Variants in BRAT1 observed in about 807,000 individuals in gnomAD.
BRAT1 encodes the protein integrator complex assembly factor BRAT1.
A neutral mutation model predicts 70.6 loss-of-function variants in BRAT1; 74 were observed. That is an observed-to-expected ratio of 1.05 (90% CI 0.87 to 1.27). The LOEUF (loss-of-function observed/expected upper bound fraction) is 1.27. Ranked by LOEUF, BRAT1 falls within the 50% of genes most tolerant of loss-of-function variation. BRAT1 has a pLI of 0.00. For missense variants in BRAT1, 1,203 were observed against 1,098.2 expected, an observed-to-expected ratio of 1.10 and a Z score of -1.35; for synonymous variants, 615 against 517.1, an observed-to-expected ratio of 1.19 and a Z score of -2.57.
At chr7:2,553,625 G>A (rs985837120) in intron 2 of BRAT1, among the ~76,000 whole-genome samples, 1 of 151,158 alleles carries the variant, frequency 6.6e-6, no homozygotes, top group African/African-American at 2.4e-5. Flanking sequence ...TTTTGTTCAT[G>A]TTTTAAAGAA....
chr7:2,548,827 T>C (rs1176839452), intron 2 of BRAT1, among the ~76,000 whole-genome samples: 1 of 152,070 alleles, frequency 6.6e-6, no homozygotes, highest in African/African-American at 2.4e-5. Context: ...TAGCCAGGCA[T>C]GGTGGCGGGC....
intron 13 of BRAT1, 115 bp downstream of exon 13, chr7:2,539,064 C>A: frequency 6.8e-7 from 1 of 1,475,492 alleles, no homozygotes; most frequent in Non-Finnish European, 9.0e-7. Context: ...GCAGGCGCTG[C>A]CCACAGCAGC....
Position 2,543,223 on chromosome 7 carries a change from T to A in BRAT1, c.904A>T (p.Ile302Phe). 1 of 1,607,460 alleles carries A rather than the reference T, an allele frequency of 6.2e-7. No individual in the cohort carries two copies. Residue 302 changes from isoleucine (I) to phenylalanine (F), a missense_variant, in exon 6 of 14, where the codon ATC (isoleucine) becomes TTC (phenylalanine). Transcript: ENST00000340611. This position sits in a 1 kb window ranked among gnomAD's most constrained non-coding sequence, Gnocchi z 5.5. ...CCATACCAGTGCTCGAGCTTCAGGATCCCCAAAGCCAGGGGTCCCATGTGG... is the reference window on the plus strand; with the variant it reads ...CCATACCAGTGCTCGAGCTTCAGGAACCCCAAAGCCAGGGGTCCCATGTGG... ...PTHMGPLALG[I>F]LKLEHCPQAL...
chr7:2,539,447 C>T, intron 12 of BRAT1, 96 bp from the exon 13 acceptor site: 1 of 1,506,434 alleles, frequency 6.6e-7, no homozygotes, highest in Non-Finnish European at 8.9e-7. Context: ...CCGACATGGC[C>T]CAAGTTTCTA....
At chr7:2,553,786 G>A (rs911708575) in intron 2 of BRAT1, among the ~76,000 whole-genome samples, 3 of 151,476 alleles carry the variant, frequency 2.0e-5, no homozygotes, top group African/African-American at 4.9e-5. Flanking sequence ...TGGGACTACA[G>A]GTGCGCCACC....
rs1384976053 is a variant in BRAT1 at position 2,543,826 on chromosome 7, A to AC, written c.566dup (p.Asp190Ter). On this transcript the variant is annotated frameshift_variant, in exon 5 of 14. Transcript: ENST00000340611. LOFTEE classifies it high-confidence loss of function. The surrounding 1 kb of genome is among the most constrained non-coding windows in gnomAD (Gnocchi z 5.5). ...TCTTCTGGGCACACGCGGGCCAGTC[A>AC]CCCCCCGGCAGGCAGGGCTGCCCCT... The AC allele has an allele frequency of 5.6e-6, 9 of 1,612,204 alleles. No homozygotes were observed. In the African/African-American group the frequency reaches 9.4e-5, roughly 17 times the overall value.
intron 2 of BRAT1, among the ~76,000 whole-genome samples, chr7:2,550,668 A>T (rs1779941898): frequency 6.6e-6 from 1 of 151,964 alleles, no homozygotes; most frequent in African/African-American, 2.4e-5. Context: ...CGAGTGTGGA[A>T]ACTACACTCT....
chr7:2,554,631 C>A (rs1249106830), intron 1 of BRAT1, among the ~76,000 whole-genome samples, 184 bp from the exon 2 acceptor site: 2 of 152,204 alleles, frequency 1.3e-5, no homozygotes, highest in Non-Finnish European at 2.9e-5. Flanking sequence ...AAGCTTTGGT[C>A]TAGGTGGGGC....
chr7:2,539,778 T>A lies in BRAT1; in HGVS notation c.1498+8A>T, dbSNP rs1420975558. On this transcript the variant is annotated splice_region_variant and intron_variant, in intron 11 of 13. Coordinates refer to ENST00000340611, the MANE Select transcript of BRAT1 (RefSeq NM_152743.4). Reference sequence around the variant, plus strand: ...AGCTCCGTTCACCCCTGCAAGGGGCTGCGTTACCTCTGAGGAACTGCGGGA... The same window carrying A: ...AGCTCCGTTCACCCCTGCAAGGGGCAGCGTTACCTCTGAGGAACTGCGGGA... 1.9e-6 allele frequency: 3 copies of A among 1,608,510 alleles called. No individual in the cohort carries two copies. The highest frequency in any genetic ancestry group is 1.1e-5 in the South Asian group (1 of 89,862).
intron 2 of BRAT1, among the ~76,000 whole-genome samples, chr7:2,548,425 G>A (rs1420623716): frequency 6.6e-6 from 1 of 151,864 alleles, no homozygotes; most frequent in African/African-American, 2.4e-5. Context: ...CAGGCTGGGT[G>A]AGGTGCTCAT....
At chr7:2,553,445 A>G (rs1010322330) in intron 2 of BRAT1, among the ~76,000 whole-genome samples, 1 of 152,212 alleles carries the variant, frequency 6.6e-6, no homozygotes, top group Non-Finnish European at 1.5e-5. Context: ...TAACATTAAC[A>G]TATTATGTGG....
Position 2,546,940 on chromosome 7 carries a change from G to A in BRAT1, c.282+384C>T, listed in dbSNP as rs7459242. Among the ~76,000 whole-genome samples the A allele has an allele frequency of 2.9e-3, 177 of 61,590 alleles. 1 individual carries two copies. The highest frequency in any genetic ancestry group is 0.017 in the African/African-American group (141 of 8,472). 40.4% of individuals were successfully genotyped at this position (61,590 alleles called of 152,430 possible). On this transcript the variant is annotated intron_variant, in intron 3 of 13. Coordinates refer to ENST00000340611, the MANE Select transcript of BRAT1 (RefSeq NM_152743.4). ...CTGTCTCCGTCCCAGGAAGAGACGG[G>A]GGCCACGGGGCAGCTACGACTCCTG...
At chr7:2,540,811 G>A in intron 10 of BRAT1, 168 bp downstream of exon 10, 1 of 668,752 alleles carries the variant, frequency 1.5e-6, no homozygotes. Flanking sequence ...GAGGCCCTGG[G>A]CCCGCCCCAT....
At chr7:2,548,466 G>A (rs1038773478) in intron 2 of BRAT1, among the ~76,000 whole-genome samples, 3 of 152,080 alleles carry the variant, frequency 2.0e-5, no homozygotes, top group African/African-American at 7.2e-5. Context: ...GGGAGGCCAA[G>A]GCAGGAGAAC....
chr7:2,555,047 G>A (rs1038024538), intron 1 of BRAT1, among the ~76,000 whole-genome samples: 1 of 150,528 alleles, frequency 6.6e-6, no homozygotes, highest in Non-Finnish European at 1.5e-5. Flanking sequence ...GCACCTGTCC[G>A]TGTGTCTGTC....
chr7:2,552,642 G>A (rs1438010853), intron 2 of BRAT1, among the ~76,000 whole-genome samples: 1 of 151,386 alleles, frequency 6.6e-6, no homozygotes, highest in Non-Finnish European at 1.5e-5. Context: ...AAGAATAGCA[G>A]AAATTAACAA....
intron 2 of BRAT1, among the ~76,000 whole-genome samples, chr7:2,547,768 G>A (rs1422530777): frequency 6.6e-6 from 1 of 152,196 alleles, no homozygotes; most frequent in Non-Finnish European, 1.5e-5. Context: ...CTCACTGATA[G>A]TGAAAAAGAA....
chr7:2,550,442 T>G (rs1421164116), intron 2 of BRAT1, among the ~76,000 whole-genome samples: 2 of 108,742 alleles, frequency 1.8e-5, no homozygotes, highest in African/African-American at 7.4e-5. Flanking sequence ...CACTCCAGCC[T>G]GGGCAATAGA....
intron 3 of BRAT1, among the ~76,000 whole-genome samples, chr7:2,546,538 C>T (rs747427151): frequency 5.8e-4 from 89 of 152,244 alleles, no homozygotes; most frequent in Middle Eastern, 3.4e-3. Context: ...AGTTCGTGAT[C>T]AGCCTGGCCA....
Sources: gnomAD v4.1 joint callset for allele counts (sites outside exome capture counted in the v4.1 genomes callset) on GRCh38, gnomAD v4.1.1 for gene constraint, Gnocchi (gnomAD v3.1) non-coding constraint, MANE v1.5 for transcripts, NCBI Gene and HGNC (gene_info 2026-07-23, HGNC 2026-07-21) for gene names.